The following MYO1B variants were observed in gnomAD, a reference collection of about 807,000 sequenced individuals.
MYO1B encodes the protein unconventional myosin-Ib.
MYO1B carries 72 observed loss-of-function variants against 159.7 expected under a neutral mutation model. The observed-to-expected ratio is 0.45, with a 90% CI of 0.37 to 0.55. MYO1B has a LOEUF of 0.55. MYO1B is among the 20% of genes least tolerant of loss of function. MYO1B has a pLI of 0.00. For synonymous variants in MYO1B, 468 were observed against 473.8 expected (o/e 0.99, Z 0.16); for missense variants, 1,062 against 1,364.8 (o/e 0.78, Z 3.50).
intron 9 of MYO1B, among the ~76,000 whole-genome samples, chr2:191,362,572 T>C (rs1193220732): frequency 2.6e-5 from 4 of 152,238 alleles, no homozygotes; most frequent in Admixed American, 2.0e-4. Context: ...ATGCTTTTAT[T>C]AGAGCATGTG....
intron 3 of MYO1B, among the ~76,000 whole-genome samples, chr2:191,316,505 A>AGTGTGTGTGTGTGT (rs144918104): frequency 1.3e-5 from 2 of 151,680 alleles, no homozygotes; most frequent in Non-Finnish European, 2.9e-5. Context: ...TATGTGAGTG[A>AGTGTGTGTGTGTGT]GTGTGTGTGT....
chr2:191,264,019 A>G (rs1320698397), intron 1 of MYO1B, among the ~76,000 whole-genome samples: 1 of 152,206 alleles, frequency 6.6e-6, no homozygotes, highest in Non-Finnish European at 1.5e-5. Flanking sequence ...AAGGATATGT[A>G]AGAATTATGG....
chr2:191,340,002 C>G (rs1692109651), intron 4 of MYO1B, among the ~76,000 whole-genome samples: 1 of 152,138 alleles, frequency 6.6e-6, no homozygotes, highest in African/African-American at 2.4e-5. Flanking sequence ...GACCCTCCAA[C>G]TTGGAGGAGG....
At chr2:191,396,303 T>C (rs1430714302) in intron 20 of MYO1B, 126 bp from the exon 21 acceptor site, 2 of 896,318 alleles carry the variant, frequency 2.2e-6, no homozygotes, top group Non-Finnish European at 3.6e-6. Flanking sequence ...CTTTATGTAT[T>C]GGTTTCCAGA....
intron 1 of MYO1B, among the ~76,000 whole-genome samples, chr2:191,276,653 C>T (rs1327153428): frequency 6.6e-6 from 1 of 151,970 alleles, no homozygotes; most frequent in African/African-American, 2.4e-5. Context: ...TGGACTTCAC[C>T]AGGGAGGATG....
intron 6 of MYO1B, 81 bp from the exon 7 acceptor site, chr2:191,350,081 T>G (rs1353288397): frequency 9.1e-7 from 1 of 1,100,250 alleles, no homozygotes; most frequent in African/African-American, 1.6e-5. Context: ...AAATAAGGGC[T>G]TAGTCTGCTG....
chr2:191,246,242 A>AGGGAAG (rs906969807), intron 1 of MYO1B: 9 of 151,494 alleles, frequency 5.9e-5, no homozygotes, highest in Non-Finnish European at 8.8e-5. Flanking sequence ...GGTCCCAGAG[A>AGGGAAG]GGGAAGGGGA....
In MYO1B at chr2:191,245,560, G is replaced by C. The variant is rs1263301480; in HGVS notation, c.-76G>C. On this transcript the variant is annotated 5_prime_UTR_variant, in exon 1 of 31. Coordinates refer to ENST00000392318, the MANE Select transcript of MYO1B (RefSeq NM_001130158.3). The stretch of plus-strand genomic sequence containing the variant: ...AGCCCCGGGCTGGGCCCGCGTCCCG[G>C]AGCGCCACCGGAGAGCGAGGACGAC... The C allele has an allele frequency of 6.6e-6, 1 of 152,152 alleles. No individual in the cohort carries two copies. Among genetic ancestry groups the C allele is most frequent in the African/African-American group, 2.4e-5 (1 of 41,448 alleles). 9.4% of individuals were successfully genotyped at this position (152,152 alleles called of 1,614,324 possible).
chr2:191,387,493 C>T (rs867376882), intron 17 of MYO1B, 43 bp downstream of exon 17: 4 of 1,525,878 alleles, frequency 2.6e-6, no homozygotes, highest in Non-Finnish European at 1.8e-6. Context: ...AATGTGAGAG[C>T]ACCCCGAAGG....
At chr2:191,341,100 TG>T (rs1306344437) in intron 4 of MYO1B, among the ~76,000 whole-genome samples, 1 of 152,174 alleles carries the variant, frequency 6.6e-6, no homozygotes, top group Admixed American at 6.5e-5. Flanking sequence ...AAAATACGTT[TG>T]GTAAAGATAC....
chr2:191,334,315 A>G (rs933233553), intron 4 of MYO1B, among the ~76,000 whole-genome samples: 1 of 152,060 alleles, frequency 6.6e-6, no homozygotes, highest in Admixed American at 6.6e-5. Flanking sequence ...TCTTAACACT[A>G]CTACTTCCTC....
intron 11 of MYO1B, among the ~76,000 whole-genome samples, chr2:191,366,099 A>G (rs994794431): frequency 5.9e-5 from 9 of 152,322 alleles, no homozygotes; most frequent in Admixed American, 4.6e-4. Flanking sequence ...GACATTTTCA[A>G]TAGCCAGAGT....
At chr2:191,423,016 G>A (rs1698039559) in intron 30 of MYO1B, among the ~76,000 whole-genome samples, 1 of 152,228 alleles carries the variant, frequency 6.6e-6, no homozygotes, top group Non-Finnish European at 1.5e-5. Context: ...TGTAAGAAGT[G>A]CTCATGGGAA....
intron 5 of MYO1B, 46 bp downstream of exon 5, chr2:191,341,611 A>C (rs1158800926): frequency 1.4e-6 from 2 of 1,468,476 alleles, no homozygotes; most frequent in Non-Finnish European, 1.9e-6. Flanking sequence ...CAAACAGTAG[A>C]TTGAGTTATG....
intron 1 of MYO1B, among the ~76,000 whole-genome samples, chr2:191,264,583 A>AG (rs754996891): frequency 6.6e-6 from 1 of 152,074 alleles, no homozygotes; most frequent in Non-Finnish European, 1.5e-5. Context: ...ACATGCTCAA[A>AG]TGTGCCTTGA....
chr2:191,409,436 G>T (rs891131555), intron 26 of MYO1B, among the ~76,000 whole-genome samples: 1 of 152,152 alleles, frequency 6.6e-6, no homozygotes, highest in African/African-American at 2.4e-5. Flanking sequence ...TCCATTCCAG[G>T]TTCCAGCTGC....
At chr2:191,360,541 A>G in intron 7 of MYO1B, 90 bp from the exon 8 acceptor site, 3 of 775,714 alleles carry the variant, frequency 3.9e-6, no homozygotes, top group African/African-American at 1.7e-5. Context: ...ACTGCAGAAT[A>G]GAAAGAAAAA....
At chr2:191,412,645 C>G (rs41332844) in intron 27 of MYO1B, among the ~76,000 whole-genome samples, 40,507 of 152,206 alleles carry the variant, frequency 0.27, 6,602 homozygotes, top group South Asian at 0.46. Flanking sequence ...CCACCCACAA[C>G]ATAAGCATTT....
chr2:191,344,824 C>T (rs1485781954), intron 5 of MYO1B, among the ~76,000 whole-genome samples: 4 of 103,486 alleles, frequency 3.9e-5, no homozygotes, highest in African/African-American at 1.3e-4. Context: ...AGCGAGACTC[C>T]GTCTCAAAAA....
Sources: allele counts gnomAD v4.1 joint callset (sites outside exome capture counted in the v4.1 genomes callset), GRCh38; gene constraint gnomAD v4.1.1; transcripts MANE v1.5; gene names NCBI Gene and HGNC (gene_info 2026-07-23, HGNC 2026-07-21).